The following AGMO variants were observed in gnomAD, a reference collection of about 807,000 sequenced individuals.
The protein encoded by AGMO is alkylglycerol monooxygenase.
Under a neutral mutation model 60.2 loss-of-function variants are expected in AGMO, and 75 were observed. That is an observed-to-expected ratio of 1.25 (90% confidence interval 1.03 to 1.51). The LOEUF (loss-of-function observed/expected upper bound fraction) is 1.51, where lower values mean the gene tolerates loss of function less well. Ranked by LOEUF, AGMO falls within the 40% of genes most tolerant of loss-of-function variation. The probability of loss-of-function intolerance (pLI) is 0.00; values close to 1 mark genes in which losing one functional copy is unlikely to be tolerated. For missense variants in AGMO, 763 were observed against 525.5 expected (o/e 1.45, Z -4.42); for synonymous variants, 261 against 177.1 (o/e 1.47, Z -3.76).
chr7:15,378,476 C>A (rs184451086), intron 10 of AGMO, among the ~76,000 whole-genome samples: 138 of 152,052 alleles, frequency 9.1e-4, no homozygotes, highest in African/African-American at 3.3e-3. Context: ...TTTATGGGAT[C>A]AAATCAACAA....
chr7:15,172,816 G>C, the AGMO span, among the ~76,000 whole-genome samples: 2 of 152,136 alleles, frequency 1.3e-5, no homozygotes, highest in African/African-American at 4.8e-5. Context: ...CTTGTGTGGG[G>C]AGAGCTCATG....
chr7:15,218,327 ATGTGTGTGTGTGTG>A (rs138890087), intron 12 of AGMO, among the ~76,000 whole-genome samples: 2 of 143,930 alleles, frequency 1.4e-5, no homozygotes, highest in South Asian at 2.2e-4. Flanking sequence ...TGGTGTGTGT[ATGTGTGTGTGTGTG>A]TGTGTGTGTG....
chr7:15,224,035 T>G (rs1583305121), intron 12 of AGMO, among the ~76,000 whole-genome samples: 1 of 152,122 alleles, frequency 6.6e-6, no homozygotes, highest in African/African-American at 2.4e-5. Context: ...TATGCTGATG[T>G]GTCAGAATTA....
At chr7:15,280,948 A>G (rs1563068060) in intron 12 of AGMO, among the ~76,000 whole-genome samples, 1 of 152,124 alleles carries the variant, frequency 6.6e-6, no homozygotes, top group Non-Finnish European at 1.5e-5. Context: ...AGGTCACATC[A>G]CTGGATTTCT....
chr7:15,536,509 GTTTA>G (rs1385068111), intron 3 of AGMO, among the ~76,000 whole-genome samples: 4 of 151,938 alleles, frequency 2.6e-5, no homozygotes, highest in South Asian at 4.1e-4. Context: ...TGAGAGGACA[GTTTA>G]TTTATCAATT....
rs117467022 is a variant in AGMO at position 15,461,640 on chromosome 7, G to T, written c.410-30532C>A. ...CGATCTGCTGGTCTCTCTAGAATGA[G>T]CATGTCTTTTGGTATTTGTTGATCA... is the stretch of plus-strand genomic sequence containing the variant. On this transcript the variant is annotated intron_variant, in intron 3 of 12. Transcript: ENST00000342526. Among the ~76,000 whole-genome samples the T allele has an allele frequency of 8.8e-3, 1,340 of 152,170 alleles. 8 individuals carry two copies. Among genetic ancestry groups the T allele is most frequent in the Non-Finnish European group, 0.014 (984 of 67,996 alleles).
chr7:15,431,134 G>A (rs1781226899), intron 3 of AGMO, 26 bp from the exon 4 acceptor site: 1 of 1,541,160 alleles, frequency 6.5e-7, no homozygotes, highest in African/African-American at 1.4e-5. Context: ...TTTGCAATGA[G>A]CCATGAGAAT....
downstream of AGMO, among the ~76,000 whole-genome samples, chr7:15,198,240 A>AGAGAGAGAGAGAGAGAGAGG (rs1781180170): frequency 9.8e-6 from 1 of 102,296 alleles, no homozygotes; most frequent in Non-Finnish European, 1.9e-5. Context: ...AGAGAGAGAG[A>AGAGAGAGAGAGAGAGAGAGG]GAGAGAGAGA....
intron 5 of AGMO, among the ~76,000 whole-genome samples, chr7:15,405,694 C>T (rs942566388): frequency 2.0e-5 from 3 of 151,872 alleles, no homozygotes; most frequent in African/African-American, 7.2e-5. Context: ...CCACGTAACA[C>T]TCTTATGGGT....
At chr7:15,486,332 T>C (rs954226852) in intron 3 of AGMO, among the ~76,000 whole-genome samples, 1 of 152,170 alleles carries the variant, frequency 6.6e-6, no homozygotes, top group Admixed American at 6.5e-5. Context: ...CTATGTACAG[T>C]TCAAACCCGT....
intron 12 of AGMO, among the ~76,000 whole-genome samples, chr7:15,247,517 A>G (rs1782784325): frequency 6.6e-6 from 1 of 151,604 alleles, no homozygotes; most frequent in South Asian, 2.1e-4. Flanking sequence ...ATCCTTTTAC[A>G]CATATGAATA....
chr7:15,391,759 G>C (rs1406594806), intron 6 of AGMO, among the ~76,000 whole-genome samples: 1 of 152,134 alleles, frequency 6.6e-6, no homozygotes, highest in Admixed American at 6.5e-5. Context: ...TAATGGTTCT[G>C]AATTAGTAGG....
At chr7:15,130,138 T>G in the AGMO span, among the ~76,000 whole-genome samples, 211 of 152,246 alleles carry the variant, frequency 1.4e-3, no homozygotes, top group African/African-American at 4.5e-3. Flanking sequence ...TTTATTATAG[T>G]TAGCATAAAA....
At chr7:15,249,835 G>T (rs572750683) in intron 12 of AGMO, among the ~76,000 whole-genome samples, 15 of 152,296 alleles carry the variant, frequency 9.8e-5, no homozygotes, top group African/African-American at 3.4e-4. Context: ...AATTGGGAAA[G>T]AATTATGACT....
chr7:15,395,646 A>T (rs1006274325), intron 5 of AGMO, among the ~76,000 whole-genome samples: 3 of 152,234 alleles, frequency 2.0e-5, no homozygotes, highest in African/African-American at 7.2e-5. Context: ...ATTAATCAAA[A>T]TCTTGAGTTT....
At chr7:15,322,491 TATATAA>T (rs1205827904) in intron 12 of AGMO, among the ~76,000 whole-genome samples, 2 of 89,824 alleles carry the variant, frequency 2.2e-5, no homozygotes, top group South Asian at 3.4e-4. Context: ...TATATAAATA[TATATAA>T]ATATATAAAT....
intron 3 of AGMO, among the ~76,000 whole-genome samples, chr7:15,510,375 G>T (rs1247915517): frequency 6.6e-6 from 1 of 151,702 alleles, no homozygotes; most frequent in Non-Finnish European, 1.5e-5. Context: ...ACAGGATGGT[G>T]CCATGTTGCC....
intron 12 of AGMO, among the ~76,000 whole-genome samples, chr7:15,342,949 T>G (rs1484658275): frequency 6.6e-6 from 1 of 152,144 alleles, no homozygotes; most frequent in Non-Finnish European, 1.5e-5. Context: ...AATGAAAATG[T>G]ATACTTAGAA....
intron 3 of AGMO, among the ~76,000 whole-genome samples, chr7:15,450,522 C>T (rs2128505367): frequency 6.6e-6 from 1 of 151,952 alleles, no homozygotes; most frequent in Non-Finnish European, 1.5e-5. Flanking sequence ...GAAAACTTTA[C>T]CACAAATATT....
Sources: gnomAD v4.1 joint callset for allele counts (sites outside exome capture counted in the v4.1 genomes callset) on GRCh38, gnomAD v4.1.1 for gene constraint, MANE v1.5 for transcripts, NCBI Gene and HGNC (gene_info 2026-07-23, HGNC 2026-07-21) for gene names.